The following RNF213 variants were observed in gnomAD, a reference collection of about 807,000 sequenced individuals.
RNF213 encodes E3 ubiquitin-protein ligase RNF213.
RNF213 carries 341 observed loss-of-function variants against 514.4 expected under a neutral mutation model. The observed-to-expected ratio is 0.66, with a 90% CI of 0.61 to 0.73. RNF213 has a LOEUF of 0.73. Ranked by LOEUF, RNF213 falls within the 30% of genes least tolerant of loss-of-function variation. RNF213 has a pLI of 0.00. For synonymous variants in RNF213, 2,655 were observed against 2,658.2 expected, an observed-to-expected ratio of 1.00 and a Z score of 0.04; for missense variants, 5,767 against 6,615.6, an observed-to-expected ratio of 0.87 and a Z score of 4.45.
rs369296898 is a variant in RNF213, at chr17:80,263,638, C to T, written c.-44C>T. ...AGTATATAGCAGGCTGCCAGCGACTCCTGCTCTTGCTTCTGGATCTGCAGG... is the reference window on the plus strand; with the variant it reads ...AGTATATAGCAGGCTGCCAGCGACTTCTGCTCTTGCTTCTGGATCTGCAGG... On this transcript the variant is annotated 5_prime_UTR_variant, in exon 2 of 68. Coordinates refer to ENST00000582970, the MANE Select transcript of RNF213 (RefSeq NM_001256071.3). The surrounding 1 kb of genome is among the most constrained non-coding windows in gnomAD (Gnocchi z 4.9). 6.5e-7 allele frequency: 1 copy of T among 1,540,918 alleles called. No homozygotes were observed. Among genetic ancestry groups the T allele is most frequent in the Non-Finnish European group, 9.0e-7 (1 of 1,113,440 alleles).
At chr17:80,281,603 G>C (rs199564196) in intron 3 of RNF213, among the ~76,000 whole-genome samples, 1,791 of 34,566 alleles carry the variant, frequency 0.052, 6 homozygotes, top group East Asian at 0.066. Context: ...AACACACACA[G>C]CCAACTCACA....
At chr17:80,313,957 A>T (rs62647787) in intron 15 of RNF213, among the ~76,000 whole-genome samples, 1 of 1,502 alleles carries the variant, frequency 6.7e-4, no homozygotes, top group East Asian at 0.016. Context: ...GTGGTGGTGG[A>T]GGTGATGGTG....
chr17:80,308,497 T>A (rs1024795181), intron 13 of RNF213, among the ~76,000 whole-genome samples: 1 of 151,360 alleles, frequency 6.6e-6, no homozygotes, highest in Non-Finnish European at 1.5e-5. Flanking sequence ...AGTCCCCTCC[T>A]GAGTCCCTCC....
In RNF213 at chr17:80,376,304, T is replaced by C. The variant is rs750015020; in HGVS notation, c.13189T>C (p.Cys4397Arg). 3.7e-6 allele frequency: 6 copies of C among 1,614,210 alleles called. No individual in the cohort carries two copies. Among genetic ancestry groups the C allele is most frequent in the Non-Finnish European group, 5.1e-6 (6 of 1,180,026 alleles). Residue 4397 changes from cysteine (C) to arginine (R), a missense_variant, in exon 52 of 68, where the codon TGT becomes CGT. Around this residue, in one of 13 missense-constraint regions of RNF213, gnomAD observed 1,245 missense variants for 1,339.0 expected, o/e 0.93. Transcript: ENST00000582970. ...TGTTAAGTTTTTTTCCTGTCAGCAA[T>C]GTGAAGCTGTGAGCAAATTCATTGG... Reference protein sequence around the residue: ...NASLHPTPEQCEAVSKFIGEC... With the variant: ...NASLHPTPEQREAVSKFIGEC...
intron 21 of RNF213, among the ~76,000 whole-genome samples, chr17:80,333,469 A>G (rs1193667499): frequency 1.1e-4 from 17 of 151,446 alleles, no homozygotes; most frequent in South Asian, 4.2e-4. Context: ...TGAGGTGGGC[A>G]GATCACCTGA....
intron 61 of RNF213, among the ~76,000 whole-genome samples, chr17:80,385,830 T>C (rs533914551): frequency 1.3e-5 from 2 of 152,318 alleles, no homozygotes; most frequent in Admixed American, 1.3e-4. Flanking sequence ...CAAGCAATTC[T>C]CCTGCCTCAG....
At chr17:80,273,197 C>CACTT (rs143979980) in intron 2 of RNF213, 44 bp from the exon 3 acceptor site, 24,629 of 1,610,848 alleles carry the variant, frequency 0.015, 470 homozygotes, top group East Asian at 0.11. Flanking sequence ...TCCTAACACT[C>CACTT]GCTTCTCTCT....
intron 49 of RNF213, among the ~76,000 whole-genome samples, chr17:80,373,925 C>T (rs1346366483): frequency 6.6e-6 from 1 of 151,654 alleles, no homozygotes; most frequent in African/African-American, 2.4e-5. Context: ...ATCACTTGAA[C>T]CCGGGAGGCA....
intron 14 of RNF213, among the ~76,000 whole-genome samples, chr17:80,309,982 A>C (rs1340001546): frequency 6.6e-6 from 1 of 151,620 alleles, no homozygotes; most frequent in Non-Finnish European, 1.5e-5. Context: ...TCTCGATCTC[A>C]TGACCTCATG....
At chr17:80,333,510 A>G (rs1213663515) in intron 21 of RNF213, among the ~76,000 whole-genome samples, 3 of 151,680 alleles carry the variant, frequency 2.0e-5, no homozygotes, top group African/African-American at 4.8e-5. Context: ...CCTGACCAAC[A>G]TGGAGAAACC....
intron 37 of RNF213, among the ~76,000 whole-genome samples, chr17:80,359,445 G>C (rs898972061): frequency 7.1e-6 from 1 of 141,368 alleles, no homozygotes; most frequent in African/African-American, 2.7e-5. Flanking sequence ...GATTGCTTGA[G>C]CCCAGGAGTT....
rs1311382200 is a variant in RNF213 at position 80,332,586 on chromosome 17, G to A, written c.4098G>A (p.Leu1366=). ...AKVILQVKES[L]GLNGDFSVLN... ...TCATCTTGCAGGTCAAAGAGAGCCT[G>A]GGACTGAACGGTGACTTCAGTGTTC... Residue 1366 remains leucine (L), a synonymous_variant, in exon 21 of 68, where the codon CTG becomes CTA. Transcript: ENST00000582970. 6.6e-7 allele frequency: 1 copy of A among 1,525,230 alleles called. No individual in the cohort carries two copies. Among genetic ancestry groups the A allele is most frequent in the East Asian group, 2.5e-5 (1 of 40,758 alleles). 94.5% of individuals were successfully genotyped at this position (1,525,230 alleles called of 1,614,324 possible). A position where few individuals can be genotyped will look rare whatever the true frequency, so the allele number is the denominator to read the frequency against.
In RNF213 at chr17:80,389,287, G is replaced by A. The variant is rs950825087; in HGVS notation, c.15115G>A (p.Gly5039Ser). 6.2e-7 allele frequency: 1 copy of A among 1,614,214 alleles called. No homozygotes were observed. Among genetic ancestry groups the A allele is most frequent in the Non-Finnish European group, 8.5e-7 (1 of 1,180,022 alleles). Reference protein sequence around the residue: ...EVTLGFLSTAGGDPNMQLNVY... With the variant: ...EVTLGFLSTASGDPNMQLNVY... ...CACTCTGGGGTTTCTGAGCACAGCT[G>A]GTGGGGATCCAAACATGCAGCTGAA... Residue 5039 changes from glycine (G) to serine (S), a missense_variant, in exon 65 of 68, where the codon GGT becomes AGT. Around this residue, in one of 13 missense-constraint regions of RNF213, gnomAD observed 1,245 missense variants for 1,339.0 expected, o/e 0.93. Coordinates refer to ENST00000582970, the MANE Select transcript of RNF213 (RefSeq NM_001256071.3).
chr17:80,271,471 C>T (rs1201572282), intron 2 of RNF213, among the ~76,000 whole-genome samples: 3 of 152,068 alleles, frequency 2.0e-5, no homozygotes, highest in East Asian at 1.9e-4. Flanking sequence ...CAGACAGGGG[C>T]GCAGCTGGGA....
rs373974094 is a variant in RNF213, at chr17:80,317,151, C to T, written c.2812-37C>T. ...ATGGGAGTGTGCCGTGGCATTTAGT[C>T]GTGAGAGTGGGTGTGACCTGTGTGC... On this transcript the variant is annotated intron_variant, in intron 15 of 67. Coordinates refer to ENST00000582970, the MANE Select transcript of RNF213 (RefSeq NM_001256071.3). This position sits in a 1 kb window ranked among gnomAD's most constrained non-coding sequence, Gnocchi z 4.1. The T allele has an allele frequency of 3.9e-5, 63 of 1,597,450 alleles. No individual in the cohort carries two copies. In the African/African-American group the frequency reaches 6.8e-4, roughly 17 times the overall value.
Position 80,263,027 on chromosome 17 carries a change from C to T in RNF213, c.-108-547C>T, listed in dbSNP as rs995640344. On this transcript the variant is annotated intron_variant, in intron 1 of 67. Coordinates refer to ENST00000582970, the MANE Select transcript of RNF213 (RefSeq NM_001256071.3). The surrounding 1 kb of genome is among the most constrained non-coding windows in gnomAD (Gnocchi z 4.9). ...GTTAGGTGGCCAAGCGCCCAAACGC[C>T]ATCTCCACTCTCACCCTGGATGCAA... 6.6e-6 allele frequency among the ~76,000 whole-genome samples: 1 copy of T among 152,312 alleles called. No individual in the cohort carries two copies. The highest frequency in any genetic ancestry group is 2.4e-5 in the African/African-American group (1 of 41,568).
chr17:80,295,908 C>T (rs1476242163), intron 10 of RNF213, 95 bp downstream of exon 10: 2 of 1,435,216 alleles, frequency 1.4e-6, no homozygotes, highest in African/African-American at 2.8e-5. Flanking sequence ...ACTGAAAGCA[C>T]ACAGGCAAGA....
At chr17:80,375,570 G>A (rs1015663778) in intron 50 of RNF213, among the ~76,000 whole-genome samples, 190 bp from the exon 51 acceptor site, 4 of 152,062 alleles carry the variant, frequency 2.6e-5, no homozygotes, top group African/African-American at 7.2e-5. Flanking sequence ...GCCGGACATG[G>A]TTGCGTGTGC....
intron 2 of RNF213, among the ~76,000 whole-genome samples, chr17:80,265,045 T>TTTG (rs369469004): frequency 0.049 from 5,646 of 114,632 alleles, 401 homozygotes; most frequent in African/African-American, 0.16. Context: ...TGTTTGTTTG[T>TTTG]TTTTTTTTTT....
Sources: allele counts gnomAD v4.1 joint callset (sites outside exome capture counted in the v4.1 genomes callset), GRCh38; gene constraint gnomAD v4.1.1; regional missense constraint gnomAD v4.1.1; non-coding constraint Gnocchi (gnomAD v3.1); transcripts MANE v1.5; gene names NCBI Gene and HGNC (gene_info 2026-07-23, HGNC 2026-07-21).